The following CNTN5 variants were observed in gnomAD, a reference collection of about 807,000 sequenced individuals.
CNTN5 encodes contactin 5, also known as contactin-5.
A neutral mutation model predicts 129.1 loss-of-function variants in CNTN5; 77 were observed. That is an observed-to-expected ratio of 0.60 (90% CI 0.50 to 0.72). The LOEUF is 0.72. Ranked by LOEUF, CNTN5 falls within the 30% of genes least tolerant of loss-of-function variation. The pLI is 0.00. For synonymous variants in CNTN5, 509 were observed against 465.6 expected (o/e 1.09, Z -1.20); for missense variants, 1,478 against 1,328.8 (o/e 1.11, Z -1.75).
intron 1 of CNTN5, among the ~76,000 whole-genome samples, chr11:99,324,926 C>A (rs937875283): frequency 6.6e-6 from 1 of 152,090 alleles, no homozygotes; most frequent in African/African-American, 2.4e-5. Context: ...CAGGTGTGAG[C>A]CACTGCACCC....
At chr11:99,120,314 C>T in intron 1 of CNTN5, 1 of 152,168 alleles carries the variant, frequency 6.6e-6, no homozygotes, top group East Asian at 1.9e-4. Flanking sequence ...CCCTACTGAA[C>T]CTGCGTGTTT....
rs149218498 is a variant in CNTN5 at position 99,705,324 on chromosome 11, A to C, written c.56-114220A>C. On this transcript the variant is annotated intron_variant, in intron 3 of 24. Coordinates refer to ENST00000524871, the MANE Select transcript of CNTN5 (RefSeq NM_014361.4). The stretch of plus-strand genomic sequence containing the variant: ...AGATATGCTCTAAGAAGAGTTACTG[A>C]AATTTCTCAAATTTTACTCATAGTG... Among the ~76,000 whole-genome samples the C allele has an allele frequency of 6.7e-3, 1,010 of 151,430 alleles. 11 individuals carry two copies. The highest frequency in any genetic ancestry group is 7.1e-3 in the Non-Finnish European group (482 of 67,544).
intron 2 of CNTN5, among the ~76,000 whole-genome samples, chr11:99,526,574 G>A (rs1947495765): frequency 6.6e-6 from 1 of 152,186 alleles, no homozygotes; most frequent in Non-Finnish European, 1.5e-5. Context: ...GGTTGGAGCT[G>A]ATCAACAAGT....
intron 18 of CNTN5, among the ~76,000 whole-genome samples, chr11:100,292,774 A>C (rs1047474842): frequency 6.6e-6 from 1 of 151,978 alleles, no homozygotes; most frequent in Non-Finnish European, 1.5e-5. Flanking sequence ...AAAGAGTCAT[A>C]AAATTGGTTT....
At chr11:100,177,981 G>T (rs534074621) in intron 13 of CNTN5, among the ~76,000 whole-genome samples, 2 of 152,152 alleles carry the variant, frequency 1.3e-5, no homozygotes, top group African/African-American at 4.8e-5. Flanking sequence ...TCATTTCAAA[G>T]GAGCGAACTC....
At chr11:99,982,196 G>A (rs966138202) in intron 8 of CNTN5, among the ~76,000 whole-genome samples, 7 of 152,238 alleles carry the variant, frequency 4.6e-5, no homozygotes, top group Non-Finnish European at 1.0e-4. Context: ...AGTCTGAACA[G>A]AGCCGGGGCT....
intron 9 of CNTN5, among the ~76,000 whole-genome samples, 180 bp from the exon 10 acceptor site, chr11:100,061,032 T>C (rs73561040): frequency 0.028 from 2,160 of 77,830 alleles, 66 homozygotes; most frequent in African/African-American, 0.11. Context: ...GAAATTCTTT[T>C]TATAATCTAC....
At chr11:99,120,207 C>CACCCCACAGATCACCAGTTG (rs1858241824) in intron 1 of CNTN5, 1 of 152,080 alleles carries the variant, frequency 6.6e-6, no homozygotes, top group Non-Finnish European at 1.5e-5. Flanking sequence ...TGACAGCTGT[C>CACCCCACAGATCACCAGTTG]ACCCCACAGA....
At chr11:100,277,163 T>C (rs1254607887) in intron 18 of CNTN5, among the ~76,000 whole-genome samples, 2 of 152,222 alleles carry the variant, frequency 1.3e-5, no homozygotes, top group Non-Finnish European at 2.9e-5. Context: ...TTCATTCTTT[T>C]GTATGGCTCA....
intron 7 of CNTN5, among the ~76,000 whole-genome samples, chr11:99,939,279 C>T (rs150488456): frequency 3.3e-5 from 5 of 152,120 alleles, no homozygotes; most frequent in East Asian, 3.9e-4. Flanking sequence ...TATAAATTTG[C>T]GTTTTTCCCA....
At chr11:99,340,346 C>T (rs1022701928) in intron 2 of CNTN5, among the ~76,000 whole-genome samples, 2 of 152,006 alleles carry the variant, frequency 1.3e-5, no homozygotes, top group African/African-American at 4.8e-5. Flanking sequence ...AAAGTCTGCA[C>T]TGGTGTGTCT....
chr11:100,356,435 A>G lies in CNTN5; in HGVS notation c.*215A>G, dbSNP rs555720275. 3.7e-6 allele frequency: 2 copies of G among 537,756 alleles called. No homozygotes were observed. Among genetic ancestry groups the G allele is most frequent in the East Asian group, 5.8e-5 (2 of 34,280 alleles). 33.3% of individuals were successfully genotyped at this position (537,756 alleles called of 1,614,324 possible). ...AAACGGAGAGGACAGTTCTTAGTCC[A>G]GTAAAAATATGCAGATTGTATGTAA... On this transcript the variant is annotated 3_prime_UTR_variant, in exon 25 of 25. Coordinates refer to ENST00000524871, the MANE Select transcript of CNTN5 (RefSeq NM_014361.4).
rs116835500 is a variant in CNTN5, at chr11:99,299,751, A to G, written c.-209-25595A>G. Among the ~76,000 whole-genome samples the G allele has an allele frequency of 4.8e-3, 735 of 152,080 alleles. 6 individuals are homozygous for G. Among genetic ancestry groups the G allele is most frequent in the African/African-American group, 0.017 (706 of 41,524 alleles). On this transcript the variant is annotated intron_variant, in intron 1 of 24. Transcript: ENST00000524871. Reference sequence around the variant, plus strand: ...TTCATACTTTTTATGGCTGCATAGTATTCCATAGTGTGCGCATGTGTGTGT... The same window carrying G: ...TTCATACTTTTTATGGCTGCATAGTGTTCCATAGTGTGCGCATGTGTGTGT...
intron 3 of CNTN5, among the ~76,000 whole-genome samples, chr11:99,574,453 C>G (rs1264426095): frequency 6.6e-6 from 1 of 152,144 alleles, no homozygotes; most frequent in Non-Finnish European, 1.5e-5. Flanking sequence ...AATGTTATTT[C>G]TGGTTCCAGA....
At chr11:100,042,775 CA>C (rs1942454101) in intron 9 of CNTN5, among the ~76,000 whole-genome samples, 1 of 152,178 alleles carries the variant, frequency 6.6e-6, no homozygotes, top group South Asian at 2.1e-4. Flanking sequence ...AGTGTGGCTT[CA>C]CATAGTCTTC....
intron 2 of CNTN5, among the ~76,000 whole-genome samples, chr11:99,371,002 C>T (rs922136201): frequency 1.3e-5 from 2 of 152,138 alleles, no homozygotes; most frequent in African/African-American, 4.8e-5. Context: ...TGCTCCAGAT[C>T]GGGAATAGCT....
At chr11:99,634,476 A>G (rs891938764) in intron 3 of CNTN5, among the ~76,000 whole-genome samples, 1 of 152,174 alleles carries the variant, frequency 6.6e-6, no homozygotes. Context: ...GTGGGCACGA[A>G]CGGTGTCTGA....
intron 13 of CNTN5, among the ~76,000 whole-genome samples, chr11:100,148,305 A>G (rs1946924186): frequency 6.6e-6 from 1 of 152,180 alleles, no homozygotes; most frequent in Non-Finnish European, 1.5e-5. Flanking sequence ...CTATACATGG[A>G]GAAGATAATA....
At chr11:99,569,810 G>A (rs1405320306) in intron 3 of CNTN5, among the ~76,000 whole-genome samples, 4 of 152,002 alleles carry the variant, frequency 2.6e-5, no homozygotes, top group Non-Finnish European at 4.4e-5. Flanking sequence ...AGAAACATCC[G>A]AATAGGATGA....
Sources: allele counts gnomAD v4.1 joint callset (sites outside exome capture counted in the v4.1 genomes callset), GRCh38; gene constraint gnomAD v4.1.1; transcripts MANE v1.5; gene names NCBI Gene and HGNC (gene_info 2026-07-23, HGNC 2026-07-21).